Variants in ACVR1C observed in about 807,000 individuals in gnomAD.
ACVR1C encodes activin receptor type-1C.
Under a neutral mutation model 57.9 loss-of-function variants are expected in ACVR1C, and 23 were observed. The ratio of observed to expected loss-of-function variants is 0.40; its 90% CI spans 0.29 to 0.56. The LOEUF (loss-of-function observed/expected upper bound fraction) is 0.56, where lower values mean the gene tolerates loss of function less well. Ranked by LOEUF, ACVR1C falls within the 20% of genes least tolerant of loss-of-function variation. The pLI is 0.50. For synonymous variants in ACVR1C, 214 were observed against 215.3 expected, an observed-to-expected ratio of 0.99 and a Z score of 0.05; for missense variants, 480 against 607.9, an observed-to-expected ratio of 0.79 and a Z score of 2.21.
intron 2 of ACVR1C, among the ~76,000 whole-genome samples, chr2:157,559,648 C>A (rs922103688): frequency 1.3e-5 from 2 of 152,084 alleles, no homozygotes; most frequent in African/African-American, 2.4e-5. Context: ...TGGGGGGACA[C>A]GTTAAATCCC....
intron 5 of ACVR1C, among the ~76,000 whole-genome samples, chr2:157,543,997 T>C (rs1463835853): frequency 2.0e-5 from 3 of 151,454 alleles, no homozygotes; most frequent in Non-Finnish European, 4.4e-5. Flanking sequence ...ATCATGACAA[T>C]ACCTTTAGCT....
rs1166673398 is a variant in ACVR1C, at chr2:157,576,835, CTTTTTTTTTTTTTTTTTT to C, written c.304+10334_304+10351del. Among the ~76,000 whole-genome samples, 3 of 41,722 alleles carry C rather than the reference CTTTTTTTTTTTTTTTTTT, an allele frequency of 7.2e-5. 1 individual carries two copies. Among genetic ancestry groups the C allele is most frequent in the East Asian group, 1.0e-3 (2 of 1,918 alleles). The allele number at this position is 41,722 out of a possible 152,430, so 27.4% of individuals were successfully genotyped here. On this transcript the variant is annotated intron_variant, in intron 2 of 8. Coordinates refer to ENST00000243349, the MANE Select transcript of ACVR1C (RefSeq NM_145259.3). ...AGAGCCTTTTGGGCTTTGAAATTTT[CTTTTTTTTTTTTTTTTTT>C]TTTTTTTTTTTTGAGACGGAGTCTC...
intron 1 of ACVR1C, among the ~76,000 whole-genome samples, chr2:157,626,151 A>G (rs558962392): frequency 6.6e-6 from 1 of 152,280 alleles, no homozygotes; most frequent in South Asian, 2.1e-4. Context: ...AATTTTTTGT[A>G]GAGATGGTGT....
chr2:157,618,062 A>G (rs1351894226), intron 1 of ACVR1C, among the ~76,000 whole-genome samples: 1 of 151,934 alleles, frequency 6.6e-6, no homozygotes, highest in South Asian at 2.1e-4. Flanking sequence ...AATGAAGAGT[A>G]CTAAAAGTGA....
Position 157,527,279 on chromosome 2 carries a change from C to G in ACVR1C, c.*6639G>C, listed in dbSNP as rs1687249929. On this transcript the variant is annotated 3_prime_UTR_variant, in exon 9 of 9. Transcript: ENST00000243349. Reference sequence around the variant, plus strand: ...AAAACCTAATTTATTTTTTCATATTCCTTCCTTATATACATTCCTTTGGGC... The same window carrying G: ...AAAACCTAATTTATTTTTTCATATTGCTTCCTTATATACATTCCTTTGGGC... 1 of 152,060 alleles carries G rather than the reference C, an allele frequency of 6.6e-6. No homozygotes were observed. Among genetic ancestry groups the G allele is most frequent in the African/African-American group, 2.4e-5 (1 of 41,410 alleles). The allele number at this position is 152,060 out of a possible 1,614,324, so 9.4% of individuals were successfully genotyped here.
chr2:157,624,061 C>G (rs902355251), intron 1 of ACVR1C, among the ~76,000 whole-genome samples: 6 of 152,074 alleles, frequency 3.9e-5, no homozygotes, highest in Non-Finnish European at 7.4e-5. Context: ...TCAACATAAT[C>G]TGAGCTTTTT....
At chr2:157,545,254 G>C (rs745999906) in intron 4 of ACVR1C, among the ~76,000 whole-genome samples, 1 of 152,184 alleles carries the variant, frequency 6.6e-6, no homozygotes, top group Non-Finnish European at 1.5e-5. Context: ...CATATTAGTA[G>C]AGTGAGCTTT....
chr2:157,549,812 C>A (rs1398570457), intron 4 of ACVR1C, among the ~76,000 whole-genome samples: 1 of 141,820 alleles, frequency 7.1e-6, no homozygotes, highest in Non-Finnish European at 1.5e-5. Context: ...GGTGAAACCC[C>A]GTCTCTACTA....
chr2:157,565,624 A>G (rs575950901), intron 2 of ACVR1C, among the ~76,000 whole-genome samples: 2 of 152,346 alleles, frequency 1.3e-5, no homozygotes, highest in East Asian at 1.9e-4. Flanking sequence ...AGAGGCAGAA[A>G]TAACATGACA....
chr2:157,597,394 C>G (rs1352654800), intron 1 of ACVR1C: 8 of 985,520 alleles, frequency 8.1e-6, no homozygotes, highest in African/African-American at 1.7e-5. Flanking sequence ...AGCCCTCCCC[C>G]AGAGCAGCGG....
chr2:157,554,088 T>C (rs1687990508), intron 3 of ACVR1C, among the ~76,000 whole-genome samples: 1 of 148,224 alleles, frequency 6.7e-6, no homozygotes, highest in South Asian at 2.1e-4. Context: ...GAGGCTCAGG[T>C]AGGAGAATCA....
In ACVR1C at chr2:157,593,922, C is replaced by T. The variant is rs144176675; in HGVS notation, c.74-6505G>A. ...AGAAATACTACTTCTCAGGCTGCAA[C>T]CAAAAAAATTCAGAACTCCACAAAT... On this transcript the variant is annotated intron_variant, in intron 1 of 8. Coordinates refer to ENST00000243349, the MANE Select transcript of ACVR1C (RefSeq NM_145259.3). Among the ~76,000 whole-genome samples, 14 of 152,154 alleles carry T rather than the reference C, an allele frequency of 9.2e-5. No homozygotes were observed. The East Asian group carries it at 2.7e-3, about 29-fold the overall frequency.
At chr2:157,554,226 A>G (rs1173644522) in intron 3 of ACVR1C, among the ~76,000 whole-genome samples, 1 of 125,044 alleles carries the variant, frequency 8.0e-6, no homozygotes, top group Non-Finnish European at 1.6e-5. Context: ...AAAGAAAGAA[A>G]GAAAGAAAGA....
intron 2 of ACVR1C, among the ~76,000 whole-genome samples, chr2:157,582,680 C>T (rs543639001): frequency 2.6e-5 from 4 of 152,260 alleles, no homozygotes; most frequent in East Asian, 1.9e-4. Context: ...TCTTCACTCT[C>T]ACCACTCCTA....
chr2:157,593,798 A>C (rs1682006642), intron 1 of ACVR1C, among the ~76,000 whole-genome samples: 1 of 152,108 alleles, frequency 6.6e-6, no homozygotes, highest in Admixed American at 6.5e-5. Context: ...GTAAGGAAAA[A>C]CAGAAAAAAG....
intron 1 of ACVR1C, among the ~76,000 whole-genome samples, chr2:157,627,740 G>C (rs1682927979): frequency 6.6e-6 from 1 of 152,174 alleles, no homozygotes; most frequent in African/African-American, 2.4e-5. Flanking sequence ...AGTTAGCAAA[G>C]AATCTGCTCC....
intron 1 of ACVR1C, among the ~76,000 whole-genome samples, chr2:157,595,590 A>G (rs2105133355): frequency 6.6e-6 from 1 of 152,292 alleles, no homozygotes; most frequent in Non-Finnish European, 1.5e-5. Context: ...GGGTTTCTTA[A>G]TCTATTGTCT....
At chr2:157,622,104 A>G (rs920892754) in intron 1 of ACVR1C, among the ~76,000 whole-genome samples, 3 of 152,146 alleles carry the variant, frequency 2.0e-5, no homozygotes, top group Admixed American at 2.0e-4. Context: ...CAATTTCTTA[A>G]ACATACTATC....
intron 1 of ACVR1C, among the ~76,000 whole-genome samples, chr2:157,621,104 A>G (rs1682761681): frequency 6.6e-6 from 1 of 152,306 alleles, no homozygotes; most frequent in Middle Eastern, 3.4e-3. Context: ...TAAAAAAATA[A>G]TAATAAGCCA....
Sources: allele counts gnomAD v4.1 joint callset (sites outside exome capture counted in the v4.1 genomes callset), GRCh38; gene constraint gnomAD v4.1.1; transcripts MANE v1.5; gene names NCBI Gene and HGNC (gene_info 2026-07-23, HGNC 2026-07-21).